The following NUFIP1 variants were observed in gnomAD, a reference collection of about 807,000 sequenced individuals.
NUFIP1 encodes the protein nuclear FMR1 interacting protein 1, also known as FMR1-interacting protein NUFIP1.
Under a neutral mutation model 56.2 loss-of-function variants are expected in NUFIP1, and 38 were observed. The ratio of observed to expected loss-of-function variants is 0.68; its 90% CI spans 0.52 to 0.89. The LOEUF is 0.89. Among genes scored for constraint, NUFIP1 ranks in the 40% least tolerant of loss-of-function variants. The pLI is 0.00. For missense variants in NUFIP1, 567 were observed against 605.8 expected (o/e 0.94, Z 0.67); for synonymous variants, 215 against 212.4 (o/e 1.01, Z -0.10).
At chr13:44,986,610 T>C (rs1411686544) in intron 1 of NUFIP1, among the ~76,000 whole-genome samples, 2 of 147,976 alleles carry the variant, frequency 1.4e-5, no homozygotes, top group East Asian at 4.0e-4. Context: ...GAGAACGGCG[T>C]GAACCTGGGA....
intron 5 of NUFIP1, among the ~76,000 whole-genome samples, chr13:44,969,538 T>C (rs975947732): frequency 6.6e-6 from 1 of 152,158 alleles, no homozygotes; most frequent in Non-Finnish European, 1.5e-5. Flanking sequence ...TCACAGTTGG[T>C]TTTTCTATAT....
rs776376132 is a variant in NUFIP1, at chr13:44,949,832, T to A, written c.1028A>T (p.Asp343Val). Residue 343 changes from aspartate to valine, a missense_variant, in exon 8 of 10, where the codon GAT becomes GTT. Asp to Val is a radical substitution (Grantham distance 152). Coordinates refer to ENST00000379161, the MANE Select transcript of NUFIP1 (RefSeq NM_012345.3). ...AGAATGTTGTGGTTTCTCCTCCTTA[T>A]CAGACTCTGAAGGGAAAAGAAGTCA... ...GVLINSDSES[D>V]KEEKPQHSVI... The A allele has an allele frequency of 3.1e-6, 5 of 1,610,528 alleles. No homozygotes were observed. Among genetic ancestry groups the A allele is most frequent in the Non-Finnish European group, 4.2e-6 (5 of 1,176,836 alleles).
intron 5 of NUFIP1, among the ~76,000 whole-genome samples, chr13:44,975,889 T>C (rs372630128): frequency 2.6e-5 from 4 of 152,214 alleles, no homozygotes; most frequent in East Asian, 1.9e-4. Context: ...CACCACAAGA[T>C]AGAAGAACCG....
chr13:44,974,447 G>A (rs1871900721), intron 5 of NUFIP1, among the ~76,000 whole-genome samples: 1 of 152,224 alleles, frequency 6.6e-6, no homozygotes, highest in Admixed American at 6.5e-5. Context: ...AGATCACAGT[G>A]AGCTGGACGG....
At chr13:44,960,951 G>A (rs373449829) in intron 6 of NUFIP1, among the ~76,000 whole-genome samples, 1 of 151,608 alleles carries the variant, frequency 6.6e-6, no homozygotes, top group African/African-American at 2.4e-5. Flanking sequence ...TCCTCGGGAG[G>A]CTGAAGCACA....
At chr13:44,976,697 T>C (rs982322366) in intron 5 of NUFIP1, among the ~76,000 whole-genome samples, 45 of 152,198 alleles carry the variant, frequency 3.0e-4, no homozygotes, top group Admixed American at 2.9e-3. Context: ...CCATTTTATG[T>C]TGCTATAACT....
rs574802388 is a variant in NUFIP1 at position 44,949,447 on chromosome 13, C to T, written c.1138+275G>A. Among the ~76,000 whole-genome samples, 32 of 151,904 alleles carry T rather than the reference C, an allele frequency of 2.1e-4. 1 individual carries two copies. In the East Asian group the frequency reaches 4.4e-3, roughly 21 times the overall value. On this transcript the variant is annotated intron_variant, in intron 8 of 9. Transcript: ENST00000379161. The stretch of plus-strand genomic sequence containing the variant: ...CGATCTCCTGACCTCGTGATCCGCC[C>T]GCCTCGGCCTCCCAAAGTGCTGGGA...
chr13:44,959,830 GT>G (rs1871362254), intron 6 of NUFIP1, among the ~76,000 whole-genome samples: 1 of 151,916 alleles, frequency 6.6e-6, no homozygotes, highest in Non-Finnish European at 1.5e-5. Flanking sequence ...TACCCATATT[GT>G]TATCCCTCTG....
Position 44,980,175 on chromosome 13 carries a change from C to T in NUFIP1, c.595-223G>A, listed in dbSNP as rs1275726777. Among the ~76,000 whole-genome samples, 4 of 152,326 alleles carry T rather than the reference C, an allele frequency of 2.6e-5. No individual in the cohort carries two copies. The East Asian group carries it at 5.8e-4, about 22-fold the overall frequency. ...ACAATAATATATCTTATTTACTTCT[C>T]CATTTGAGCAAAGGCATACATCAAT... On this transcript the variant is annotated intron_variant, in intron 3 of 9. Transcript: ENST00000379161.
intron 8 of NUFIP1, among the ~76,000 whole-genome samples, chr13:44,948,843 C>T (rs1870980986): frequency 6.6e-6 from 1 of 152,200 alleles, no homozygotes; most frequent in Admixed American, 6.5e-5. Context: ...GACATGTATT[C>T]TGAAAGTTAC....
intron 7 of NUFIP1, among the ~76,000 whole-genome samples, chr13:44,956,418 T>A (rs1358139347): frequency 6.6e-6 from 1 of 151,178 alleles, no homozygotes; most frequent in Non-Finnish European, 1.5e-5. Flanking sequence ...GGGTGGGGGG[T>A]GGATTGGGGA....
At chr13:44,980,388 T>C (rs183376846) in intron 3 of NUFIP1, among the ~76,000 whole-genome samples, 303 of 152,176 alleles carry the variant, frequency 2.0e-3, no homozygotes, top group African/African-American at 6.7e-3. Flanking sequence ...CACAGTATGG[T>C]TTAATGGTCA....
chr13:44,959,359 G>T lies in NUFIP1; in HGVS notation c.1021+22C>A, dbSNP rs1057396225. The stretch of plus-strand genomic sequence containing the variant: ...TCATTGTCTATACACTTATAAATAC[G>T]TTATTTTCCTGTTTAGCTTACCAGA... On this transcript the variant is annotated intron_variant, in intron 7 of 9. Transcript: ENST00000379161. 2.5e-6 allele frequency: 4 copies of T among 1,604,280 alleles called. No homozygotes were observed. The African/African-American group carries it at 4.0e-5, about 16-fold the overall frequency.
At chr13:44,944,030 T>A (rs1215500093) in intron 8 of NUFIP1, among the ~76,000 whole-genome samples, 3 of 152,160 alleles carry the variant, frequency 2.0e-5, no homozygotes, top group Non-Finnish European at 4.4e-5. Context: ...TGGCAAAATT[T>A]TAAAACTAAA....
At chr13:44,985,218 C>A (rs1283284357) in intron 1 of NUFIP1, among the ~76,000 whole-genome samples, 1 of 152,214 alleles carries the variant, frequency 6.6e-6, no homozygotes, top group African/African-American at 2.4e-5. Flanking sequence ...ATATCTCTAC[C>A]TGACACAAAT....
At chr13:44,980,899 G>T in intron 2 of NUFIP1, 79 bp from the exon 3 acceptor site, 1 of 829,946 alleles carries the variant, frequency 1.2e-6, no homozygotes, top group Non-Finnish European at 1.9e-6. Context: ...TATCATTCTA[G>T]TAATACACAC....
intron 7 of NUFIP1, among the ~76,000 whole-genome samples, chr13:44,958,175 T>C (rs970375551): frequency 2.0e-5 from 3 of 152,180 alleles, no homozygotes; most frequent in Admixed American, 6.5e-5. Context: ...AGTGTACTGG[T>C]GGAGTGAGAC....
At chr13:44,975,769 G>A (rs1291191678) in intron 5 of NUFIP1, among the ~76,000 whole-genome samples, 1 of 152,158 alleles carries the variant, frequency 6.6e-6, no homozygotes, top group African/African-American at 2.4e-5. Flanking sequence ...GAATAGCAGA[G>A]GATAGTGGGA....
At position 44,940,532 on chromosome 13, in the gene NUFIP1, G is replaced by A. The variant is rs1870697558; in HGVS notation, c.*674C>T. ...AAGCTCAAATTCCCTGGTATTATAG[G>A]AGACAAAAAGATCTCAATAGCTTTC... On this transcript the variant is annotated 3_prime_UTR_variant, in exon 10 of 10. Transcript: ENST00000379161. 1 of 152,146 alleles carries A rather than the reference G, an allele frequency of 6.6e-6. No homozygotes were observed. The highest frequency in any genetic ancestry group is 2.1e-4 in the South Asian group (1 of 4,828). The allele number at this position is 152,146 out of a possible 1,614,324, so 9.4% of individuals were successfully genotyped here. A position where few individuals can be genotyped will look rare whatever the true frequency, so the allele number is the denominator to read the frequency against.
Sources: allele counts gnomAD v4.1 joint callset (sites outside exome capture counted in the v4.1 genomes callset), GRCh38; gene constraint gnomAD v4.1.1; transcripts MANE v1.5; gene names NCBI Gene and HGNC (gene_info 2026-07-23, HGNC 2026-07-21).